The following RELL1 variants were observed in gnomAD, a reference collection of about 807,000 sequenced individuals.
RELL1 encodes RELT like 1, also known as RELT-like protein 1.
A neutral mutation model predicts 23.0 loss-of-function variants in RELL1; 10 were observed. The observed-to-expected ratio is 0.43, with a 90% CI of 0.27 to 0.74. The LOEUF (loss-of-function observed/expected upper bound fraction) is 0.74, where lower values mean the gene tolerates loss of function less well. RELL1 is among the 30% of genes least tolerant of loss of function. RELL1 has a pLI of 0.19. For missense variants in RELL1, 315 were observed against 364.4 expected, an observed-to-expected ratio of 0.86 and a Z score of 1.10; for synonymous variants, 146 against 146.8, an observed-to-expected ratio of 0.99 and a Z score of 0.04.
intron 1 of RELL1, among the ~76,000 whole-genome samples, chr4:37,653,219 G>A (rs1006218217): frequency 1.3e-5 from 2 of 152,118 alleles, no homozygotes; most frequent in Non-Finnish European, 2.9e-5. Context: ...GTAAAGTGCT[G>A]ACTGACTGAC....
intron 6 of RELL1, among the ~76,000 whole-genome samples, chr4:37,601,751 T>C (rs1250291657): frequency 6.6e-6 from 1 of 152,274 alleles, no homozygotes; most frequent in African/African-American, 2.4e-5. Flanking sequence ...TAACTCCTCC[T>C]ATAGCTACGT....
downstream of RELL1, chr4:37,590,156 A>G (rs1718525167): frequency 1.2e-6 from 2 of 1,614,214 alleles, no homozygotes; most frequent in African/African-American, 1.3e-5. Context: ...TGCAAGCTAG[A>G]TGAAGACGAC....
chr4:37,604,824 C>CACACACACACACAG (rs1560323681), intron 6 of RELL1, among the ~76,000 whole-genome samples: 2 of 98,842 alleles, frequency 2.0e-5, no homozygotes, highest in East Asian at 4.5e-4. Flanking sequence ...CACACACAGA[C>CACACACACACACAG]ACACACATAC....
intron 1 of RELL1, among the ~76,000 whole-genome samples, chr4:37,651,697 T>C (rs1720945877): frequency 6.6e-6 from 1 of 152,184 alleles, no homozygotes; most frequent in Non-Finnish European, 1.5e-5. Context: ...CTTGTCTTCC[T>C]GTTTGGTGCG....
intron 6 of RELL1, among the ~76,000 whole-genome samples, chr4:37,596,736 A>ATATATATTT (rs1365185216): frequency 1.2e-4 from 2 of 16,508 alleles, no homozygotes; most frequent in Non-Finnish European, 3.0e-4. Flanking sequence ...ATATATATAT[A>ATATATATTT]TTTTTTTTTT....
chr4:37,665,385 A>G (rs1156465133), intron 1 of RELL1: 1 of 445,840 alleles, frequency 2.2e-6, no homozygotes, highest in East Asian at 7.0e-5. Context: ...GTTTGCAAAG[A>G]TCCAAAAGAA....
downstream of RELL1, among the ~76,000 whole-genome samples, chr4:37,607,526 G>C (rs139126074): frequency 2.0e-5 from 3 of 151,444 alleles, no homozygotes; most frequent in African/African-American, 7.3e-5. Context: ...TGAACCGTAC[G>C]TGTGTGGCAA....
At chr4:37,638,643 G>A (rs75190767) in intron 3 of RELL1, 139 bp from the exon 4 acceptor site, 10,299 of 643,250 alleles carry the variant, frequency 0.016, 133 homozygotes, top group Non-Finnish European at 0.022. Flanking sequence ...AGAAAGGAGG[G>A]TCTCCCCCAA....
At chr4:37,621,451 A>T (rs377000225) in intron 6 of RELL1, among the ~76,000 whole-genome samples, 11 of 151,990 alleles carry the variant, frequency 7.2e-5, no homozygotes, top group East Asian at 5.8e-4. Flanking sequence ...GCAAGACTCC[A>T]TCTCAAAAAA....
downstream of RELL1, chr4:37,590,549 C>T (rs1389245582): frequency 1.2e-6 from 2 of 1,614,162 alleles, no homozygotes; most frequent in East Asian, 2.2e-5. Context: ...GACTCCAGAG[C>T]TCCTTCTGAG....
chr4:37,657,484 G>C (rs982200803), intron 1 of RELL1, among the ~76,000 whole-genome samples: 21 of 152,226 alleles, frequency 1.4e-4, no homozygotes, highest in African/African-American at 5.1e-4. Context: ...GCAAAAGGGA[G>C]AGACAGAGCG....
chr4:37,678,312 C>T (rs1018859640), intron 1 of RELL1, among the ~76,000 whole-genome samples: 1 of 152,238 alleles, frequency 6.6e-6, no homozygotes, highest in Non-Finnish European at 1.5e-5. Context: ...CCAGGCCCCA[C>T]CTCTAATACT....
At chr4:37,664,126 C>T (rs1326135951) in intron 1 of RELL1, among the ~76,000 whole-genome samples, 1 of 152,052 alleles carries the variant, frequency 6.6e-6, no homozygotes, top group African/African-American at 2.4e-5. Context: ...GCCTGTAATC[C>T]CAGCACTTTG....
At chr4:37,604,513 G>GCACGCA (rs1210756601) in intron 6 of RELL1, among the ~76,000 whole-genome samples, 1 of 151,546 alleles carries the variant, frequency 6.6e-6, no homozygotes, top group Non-Finnish European at 1.5e-5. Flanking sequence ...ATACACACGC[G>GCACGCA]CACACACACA....
At chr4:37,678,121 CA>C (rs1722078530) in intron 1 of RELL1, among the ~76,000 whole-genome samples, 1 of 151,904 alleles carries the variant, frequency 6.6e-6, no homozygotes, top group Admixed American at 6.5e-5. Context: ...CAGAAGGCAA[CA>C]GAGGAGCAGG....
intron 3 of RELL1, 34 bp from the exon 4 acceptor site, chr4:37,638,538 T>A (rs755662775): frequency 1.3e-6 from 2 of 1,483,742 alleles, no homozygotes; most frequent in Admixed American, 3.5e-5. Flanking sequence ...AGAATTAAAA[T>A]AGAATGAATA....
At chr4:37,672,054 C>T (rs1402871639) in intron 1 of RELL1, among the ~76,000 whole-genome samples, 1 of 152,138 alleles carries the variant, frequency 6.6e-6, no homozygotes, top group African/African-American at 2.4e-5. Context: ...CCCAACACAT[C>T]CATATGTCAC....
chr4:37,631,165 C>T (rs1720116379), intron 6 of RELL1, among the ~76,000 whole-genome samples: 1 of 152,110 alleles, frequency 6.6e-6, no homozygotes, highest in Admixed American at 6.5e-5. Flanking sequence ...ATCACACAGG[C>T]CAAGCCCCTG....
chr4:37,675,572 G>A (rs905517135), intron 1 of RELL1, among the ~76,000 whole-genome samples: 3 of 152,130 alleles, frequency 2.0e-5, no homozygotes, highest in African/African-American at 7.2e-5. Context: ...CAAACATGGT[G>A]GAAACAATTG....
Sources: gnomAD v4.1 joint callset for allele counts (sites outside exome capture counted in the v4.1 genomes callset) on GRCh38, gnomAD v4.1.1 for gene constraint, MANE v1.5 for transcripts, NCBI Gene and HGNC (gene_info 2026-07-23, HGNC 2026-07-21) for gene names.